The following SYN3 variants were observed in gnomAD, a reference collection of about 807,000 sequenced individuals.
SYN3 encodes synapsin-3.
A neutral mutation model predicts 65.8 loss-of-function variants in SYN3; 35 were observed. That is an observed-to-expected ratio of 0.53 (90% CI 0.41 to 0.70). The LOEUF is 0.70. SYN3 is among the 30% of genes least tolerant of loss of function. The pLI, the probability that SYN3 is intolerant of heterozygous loss-of-function variation, is 0.00. For missense variants in SYN3, 680 were observed against 749.0 expected (o/e 0.91, Z 1.08); for synonymous variants, 270 against 292.9 (o/e 0.92, Z 0.80).
intron 3 of SYN3, among the ~76,000 whole-genome samples, chr22:32,947,774 A>G (rs1397835896): frequency 1.3e-5 from 2 of 152,208 alleles, no homozygotes; most frequent in African/African-American, 4.8e-5. Context: ...AGTTATCACA[A>G]ATTTAATGCC....
At chr22:32,727,582 A>G (rs2061213206) in intron 6 of SYN3, among the ~76,000 whole-genome samples, 1 of 152,206 alleles carries the variant, frequency 6.6e-6, no homozygotes, top group Non-Finnish European at 1.5e-5. Flanking sequence ...CAATGGTTGA[A>G]CTAATTTATG....
At chr22:32,993,569 C>T (rs2052788427) in intron 2 of SYN3, among the ~76,000 whole-genome samples, 3 of 152,192 alleles carry the variant, frequency 2.0e-5, no homozygotes, top group Admixed American at 6.5e-5. Context: ...TGGTCTCGAA[C>T]TCCTAACTTT....
intron 6 of SYN3, among the ~76,000 whole-genome samples, chr22:32,762,275 G>A (rs111706843): frequency 1.1e-4 from 16 of 152,004 alleles, no homozygotes; most frequent in African/African-American, 3.9e-4. Context: ...TTATAGCAGT[G>A]GGCTGGGACT....
chr22:32,906,241 A>T (rs899481021), intron 4 of SYN3, among the ~76,000 whole-genome samples: 2 of 152,174 alleles, frequency 1.3e-5, no homozygotes, highest in African/African-American at 4.8e-5. Flanking sequence ...TCTGCAACAC[A>T]GCTCACTTAG....
intron 11 of SYN3, among the ~76,000 whole-genome samples, chr22:32,528,369 T>C (rs1393959317): frequency 2.6e-5 from 4 of 152,152 alleles, no homozygotes; most frequent in Non-Finnish European, 5.9e-5. Context: ...GCTGGGGAGC[T>C]GGCAAATTCT....
chr22:32,993,593 C>T (rs2052789588), intron 2 of SYN3, among the ~76,000 whole-genome samples: 1 of 152,220 alleles, frequency 6.6e-6, no homozygotes, highest in Non-Finnish European at 1.5e-5. Flanking sequence ...ATTCACCCGC[C>T]TTGGCCTCCC....
intron 6 of SYN3, among the ~76,000 whole-genome samples, chr22:32,743,890 T>A (rs116842545): frequency 0.01 from 1,561 of 152,204 alleles, 17 homozygotes; most frequent in Non-Finnish European, 0.018. Context: ...GCTACAGGTG[T>A]CATGGAAAAC....
rs527796317 is a variant in SYN3, at chr22:32,780,318, G to T, written c.711+84597C>A. 6.0e-4 allele frequency among the ~76,000 whole-genome samples: 91 copies of T among 152,232 alleles called. No individual in the cohort carries two copies. The South Asian group carries it at 0.011, about 18-fold the overall frequency. ...TGAATGAGAGAAGTGTCTCAGGAGTGTTGTTCTGGGGGCTAAAATTACAGG... is the reference window on the plus strand; with the variant it reads ...TGAATGAGAGAAGTGTCTCAGGAGTTTTGTTCTGGGGGCTAAAATTACAGG... On this transcript the variant is annotated intron_variant, in intron 6 of 13. Coordinates refer to ENST00000358763, the MANE Select transcript of SYN3 (RefSeq NM_003490.4).
chr22:32,785,205 G>A (rs1224174844), intron 6 of SYN3, among the ~76,000 whole-genome samples: 5 of 152,138 alleles, frequency 3.3e-5, no homozygotes, highest in Non-Finnish European at 7.4e-5. Context: ...TTGTTGTGGA[G>A]GGTTATACAG....
chr22:32,569,256 A>AATCTATCTATCTATCTATCT (rs71320935), intron 7 of SYN3, among the ~76,000 whole-genome samples: 62 of 141,092 alleles, frequency 4.4e-4, no homozygotes, highest in African/African-American at 6.5e-4. Context: ...ATGCATCCAA[A>AATCTATCTATCTATCTATCT]ATCTATCTAT....
chr22:32,808,137 G>A (rs2046816197), intron 6 of SYN3, among the ~76,000 whole-genome samples: 1 of 152,148 alleles, frequency 6.6e-6, no homozygotes, highest in South Asian at 2.1e-4. Context: ...ATAGCTTTAT[G>A]TATTTATTTT....
At chr22:33,029,526 A>G (rs772040119) in intron 1 of SYN3, among the ~76,000 whole-genome samples, 1 of 152,118 alleles carries the variant, frequency 6.6e-6, no homozygotes, top group Non-Finnish European at 1.5e-5. Flanking sequence ...CAACTTGTAT[A>G]CAATAATTAC....
chr22:32,531,724 T>C (rs9621482), intron 10 of SYN3, among the ~76,000 whole-genome samples: 2,214 of 151,800 alleles, frequency 0.015, 40 homozygotes, highest in African/African-American at 0.05. Context: ...CCTTTTATAT[T>C]TCTGGTAACA....
chr22:32,544,060 G>A (rs928194024), intron 7 of SYN3, among the ~76,000 whole-genome samples: 4 of 152,092 alleles, frequency 2.6e-5, no homozygotes, highest in Non-Finnish European at 5.9e-5. Flanking sequence ...TGCCTCAGCC[G>A]GCCGAGTAGC....
At chr22:33,035,344 C>CT (rs1556216891) in intron 1 of SYN3, among the ~76,000 whole-genome samples, 1 of 107,752 alleles carries the variant, frequency 9.3e-6, no homozygotes, top group Non-Finnish European at 1.8e-5. Context: ...CCCCCCCCCC[C>CT]GCCACCAAAC....
At chr22:32,755,592 G>A (rs551285918) in intron 6 of SYN3, among the ~76,000 whole-genome samples, 1 of 152,248 alleles carries the variant, frequency 6.6e-6, no homozygotes, top group East Asian at 1.9e-4. Context: ...AAGACAAAGA[G>A]CTTTCTTGCC....
chr22:32,911,016 G>A (rs2050037413), intron 4 of SYN3, among the ~76,000 whole-genome samples: 1 of 152,176 alleles, frequency 6.6e-6, no homozygotes, highest in African/African-American at 2.4e-5. Context: ...TTAACACCCT[G>A]CCTAAACTGC....
At chr22:32,569,762 T>G (rs748147910) in intron 7 of SYN3, among the ~76,000 whole-genome samples, 11 of 152,096 alleles carry the variant, frequency 7.2e-5, no homozygotes, top group Non-Finnish European at 1.5e-4. Context: ...AAACCTTAAT[T>G]TTCTCATCCG....
intron 6 of SYN3, among the ~76,000 whole-genome samples, chr22:32,677,351 G>T (rs2060460435): frequency 6.6e-6 from 1 of 152,188 alleles, no homozygotes; most frequent in African/African-American, 2.4e-5. Context: ...TCTGTACTAG[G>T]ATGTTTACTG....
Sources: gnomAD v4.1 joint callset for allele counts (sites outside exome capture counted in the v4.1 genomes callset) on GRCh38, gnomAD v4.1.1 for gene constraint, MANE v1.5 for transcripts, NCBI Gene and HGNC (gene_info 2026-07-23, HGNC 2026-07-21) for gene names.